DENND1A: variants seen among roughly 807,000 people sequenced by gnomAD.
DENND1A encodes DENN domain containing 1A, also known as DENN domain-containing protein 1A.
In DENND1A, 51 loss-of-function variants were observed where a neutral mutation model predicts 113.7. The ratio of observed to expected loss-of-function variants is 0.45; its 90% CI spans 0.36 to 0.57. The LOEUF (loss-of-function observed/expected upper bound fraction) is 0.57. Among genes scored for constraint, DENND1A ranks in the 20% least tolerant of loss-of-function variants. The pLI, the probability that DENND1A is intolerant of heterozygous loss-of-function variation, is 0.00. For missense variants in DENND1A, 1,258 were observed against 1,395.9 expected, an observed-to-expected ratio of 0.90 and a Z score of 1.57; for synonymous variants, 565 against 570.8, an observed-to-expected ratio of 0.99 and a Z score of 0.14.
chr9:123,716,993 G>A (rs570554370), intron 5 of DENND1A, among the ~76,000 whole-genome samples: 4 of 152,206 alleles, frequency 2.6e-5, no homozygotes, highest in South Asian at 4.2e-4. Context: ...AGTTAATTGT[G>A]GTTACTTTTT....
intron 19 of DENND1A, among the ~76,000 whole-genome samples, chr9:123,436,932 G>C (rs1308831845): frequency 6.6e-6 from 1 of 152,108 alleles, no homozygotes; most frequent in Non-Finnish European, 1.5e-5. Context: ...ATTTTTAGTA[G>C]AGACAGGGTT....
intron 19 of DENND1A, chr9:123,414,273 C>A: frequency 7.5e-7 from 1 of 1,329,476 alleles, no homozygotes; most frequent in South Asian, 1.8e-5. Flanking sequence ...AGATGATGGA[C>A]GTCAGGTTCT....
At position 123,398,423 on chromosome 9, in the gene DENND1A, A is replaced by G. The variant is rs371221594; in HGVS notation, c.1631+4979T>C. On this transcript the variant is annotated intron_variant, in intron 21 of 23. Transcript: ENST00000394215. Reference sequence around the variant, plus strand: ...GGCGTCTCACTCTGTCACCCAGGCTAGAGTGCAGTGGTGCGATCTCGGCTC... The same window carrying G: ...GGCGTCTCACTCTGTCACCCAGGCTGGAGTGCAGTGGTGCGATCTCGGCTC... Among the ~76,000 whole-genome samples the G allele has an allele frequency of 6.2e-4, 94 of 151,938 alleles. 1 individual carries two copies. In the East Asian group the frequency reaches 0.014, roughly 23 times the overall value.
intron 13 of DENND1A, among the ~76,000 whole-genome samples, chr9:123,493,608 A>G (rs1195640828): frequency 6.6e-5 from 10 of 152,166 alleles, no homozygotes; most frequent in Non-Finnish European, 8.8e-5. Context: ...TCCCTGCCCT[A>G]TGCTCTTCCA....
At chr9:123,430,944 G>A (rs1246360225) in intron 19 of DENND1A, among the ~76,000 whole-genome samples, 6 of 152,090 alleles carry the variant, frequency 3.9e-5, no homozygotes, top group Admixed American at 1.3e-4. Flanking sequence ...TTGAGGCTGC[G>A]GTGAGCCGAG....
At chr9:123,896,205 G>A (rs1045630451) in intron 1 of DENND1A, among the ~76,000 whole-genome samples, 2 of 152,022 alleles carry the variant, frequency 1.3e-5, no homozygotes, top group Non-Finnish European at 2.9e-5. Flanking sequence ...TTGGCTACTC[G>A]GGAGGCTGAG....
intron 5 of DENND1A, among the ~76,000 whole-genome samples, chr9:123,696,667 G>A (rs756212363): frequency 2.6e-5 from 4 of 152,174 alleles, no homozygotes; most frequent in Admixed American, 6.5e-5. Flanking sequence ...GCTGCTGTGC[G>A]AATTAGGAAG....
chr9:123,669,194 A>G (rs569390098), intron 7 of DENND1A, among the ~76,000 whole-genome samples: 2 of 152,310 alleles, frequency 1.3e-5, no homozygotes, highest in East Asian at 1.9e-4. Context: ...GAGAGTGACT[A>G]GAGACAAAAA....
chr9:123,544,158 G>T (rs2056487124), intron 13 of DENND1A, among the ~76,000 whole-genome samples: 1 of 152,088 alleles, frequency 6.6e-6, no homozygotes, highest in South Asian at 2.1e-4. Flanking sequence ...CAAGAAATAT[G>T]GATTAACACT....
chr9:123,761,575 CAGTG>C (rs1347585833), intron 4 of DENND1A, among the ~76,000 whole-genome samples: 1 of 152,138 alleles, frequency 6.6e-6, no homozygotes, highest in Non-Finnish European at 1.5e-5. Flanking sequence ...GCTTGCCTTA[CAGTG>C]AAAAAGATTC....
At chr9:123,828,273 C>T (rs1839665901) in intron 2 of DENND1A, among the ~76,000 whole-genome samples, 1 of 151,848 alleles carries the variant, frequency 6.6e-6, no homozygotes, top group Non-Finnish European at 1.5e-5. Flanking sequence ...ATTAATAACT[C>T]AGTGGACAAT....
At chr9:123,565,806 C>T (rs1385617589) in intron 12 of DENND1A, among the ~76,000 whole-genome samples, 1 of 152,166 alleles carries the variant, frequency 6.6e-6, no homozygotes, top group Non-Finnish European at 1.5e-5. Context: ...GTTCTTGCCT[C>T]AAATTCAAAA....
Position 123,485,654 on chromosome 9 carries a change from GCGCACACACACACA to G in DENND1A, c.994-27771_994-27758del, listed in dbSNP as rs1345094924. 2.9e-4 allele frequency: 13 copies of G among 44,214 alleles called. No individual in the cohort carries two copies. The East Asian group carries it at 3.0e-3, about 10-fold the overall frequency. The allele number at this position is 44,214 out of a possible 1,614,324, so 2.7% of individuals were successfully genotyped here. Reference sequence around the variant, plus strand: ...TGTGCGCGTACACACACGCGCGCGCGCGCACACACACACACACACACACACACACACACACACGC... The same window carrying G: ...TGTGCGCGTACACACACGCGCGCGCGCACACACACACACACACACACACGC... On this transcript the variant is annotated intron_variant, in intron 13 of 23. Transcript: ENST00000394215.
At chr9:123,483,304 C>T (rs957302991) in intron 13 of DENND1A, among the ~76,000 whole-genome samples, 4 of 152,208 alleles carry the variant, frequency 2.6e-5, no homozygotes, top group African/African-American at 9.6e-5. Context: ...ATCCCTACCC[C>T]AAGAGCAGGG....
chr9:123,902,979 G>A (rs1450031460), intron 1 of DENND1A, among the ~76,000 whole-genome samples: 2 of 152,002 alleles, frequency 1.3e-5, no homozygotes, highest in Non-Finnish European at 2.9e-5. Context: ...GACCAAGTGG[G>A]TTTATCCCAG....
intron 5 of DENND1A, among the ~76,000 whole-genome samples, chr9:123,701,364 T>C (rs1425333019): frequency 6.6e-6 from 1 of 152,160 alleles, no homozygotes; most frequent in Non-Finnish European, 1.5e-5. Flanking sequence ...AAGGACAATT[T>C]TGCATTACCC....
chr9:123,782,368 G>T (rs1169142184), intron 3 of DENND1A, among the ~76,000 whole-genome samples: 1 of 152,168 alleles, frequency 6.6e-6, no homozygotes, highest in Non-Finnish European at 1.5e-5. Context: ...AACACATCTG[G>T]TTAAGCCTCT....
At chr9:123,906,020 C>A (rs1393130552) in intron 1 of DENND1A, among the ~76,000 whole-genome samples, 3 of 151,828 alleles carry the variant, frequency 2.0e-5, no homozygotes, top group Non-Finnish European at 4.4e-5. Flanking sequence ...TCAGACCACA[C>A]TGCAATCAAA....
At chr9:123,888,932 A>C (rs923507569) in intron 1 of DENND1A, among the ~76,000 whole-genome samples, 1 of 148,854 alleles carries the variant, frequency 6.7e-6, no homozygotes, top group Non-Finnish European at 1.5e-5. Context: ...GTGATGATGC[A>C]TCAGGTCAAT....
Sources: allele counts gnomAD v4.1 joint callset (sites outside exome capture counted in the v4.1 genomes callset), GRCh38; gene constraint gnomAD v4.1.1; transcripts MANE v1.5; gene names NCBI Gene and HGNC (gene_info 2026-07-23, HGNC 2026-07-21).